The following PCMT1 variants were observed in gnomAD, a reference collection of about 807,000 sequenced individuals.
The protein encoded by PCMT1 is protein-L-isoaspartate(D-aspartate) O-methyltransferase.
PCMT1 carries 9 observed loss-of-function variants against 29.2 expected under a neutral mutation model. The ratio of observed to expected loss-of-function variants is 0.31; its 90% CI spans 0.19 to 0.54. The LOEUF is 0.54. Among genes scored for constraint, PCMT1 ranks in the 20% least tolerant of loss-of-function variants. The pLI is 0.95. For synonymous variants in PCMT1, 98 were observed against 97.5 expected (o/e 1.00, Z -0.03); for missense variants, 184 against 282.2 (o/e 0.65, Z 2.49).
intron 7 of PCMT1, among the ~76,000 whole-genome samples, chr6:149,809,209 T>A (rs1373141433): frequency 8.3e-6 from 1 of 120,868 alleles, no homozygotes; most frequent in Non-Finnish European, 1.6e-5. Context: ...CAGTGAGCCA[T>A]GATCACACCA....
intron 5 of PCMT1, 166 bp from the exon 6 acceptor site, chr6:149,796,244 CAAAAA>C (rs1788608217): frequency 4.6e-6 from 2 of 439,340 alleles, no homozygotes; most frequent in Non-Finnish European, 8.1e-6. Flanking sequence ...TCTGACCAAA[CAAAAA>C]ATAAAATAAA....
chr6:149,787,471 A>G (rs1189684509), intron 3 of PCMT1, among the ~76,000 whole-genome samples: 1 of 150,942 alleles, frequency 6.6e-6, no homozygotes, highest in Non-Finnish European at 1.5e-5. Context: ...GGTTCAAGCG[A>G]TTCTCCTGCT....
In PCMT1 at chr6:149,773,125, T is replaced by G. The variant is rs1405625544; in HGVS notation, c.161-13T>G. 6.2e-7 allele frequency: 1 copy of G among 1,606,368 alleles called. No individual in the cohort carries two copies. Among genetic ancestry groups the G allele is most frequent in the Non-Finnish European group, 8.5e-7 (1 of 1,173,722 alleles). On this transcript the variant is annotated splice_polypyrimidine_tract_variant and intron_variant, in intron 2 of 7. Coordinates refer to ENST00000464889, the MANE Select transcript of PCMT1 (RefSeq NM_001360452.2). ...CAGCTGACTGTATCAGTAGTTCTCTTCTTCTTTTGCAGGTTTCCAAGCAAC... is the reference window on the plus strand; with the variant it reads ...CAGCTGACTGTATCAGTAGTTCTCTGCTTCTTTTGCAGGTTTCCAAGCAAC...
intron 1 of PCMT1, among the ~76,000 whole-genome samples, chr6:149,752,492 C>G (rs1403104780): frequency 6.6e-6 from 1 of 152,132 alleles, no homozygotes; most frequent in Non-Finnish European, 1.5e-5. Flanking sequence ...AGCCACCACG[C>G]CCAGCCTAGA....
chr6:149,793,734 G>A (rs1788480678), intron 5 of PCMT1, 65 bp downstream of exon 5: 5 of 1,343,868 alleles, frequency 3.7e-6, no homozygotes, highest in Non-Finnish European at 5.0e-6. Context: ...TCCAATGCAA[G>A]CTAAATAATA....
intron 3 of PCMT1, among the ~76,000 whole-genome samples, chr6:149,773,600 G>T (rs1456882761): frequency 6.6e-6 from 1 of 152,084 alleles, no homozygotes; most frequent in African/African-American, 2.4e-5. Flanking sequence ...GGATGGTCTC[G>T]ATCTCCTGAC....
At chr6:149,779,274 A>G (rs1787713376) in intron 3 of PCMT1, among the ~76,000 whole-genome samples, 1 of 152,178 alleles carries the variant, frequency 6.6e-6, no homozygotes, top group Admixed American at 6.5e-5. Context: ...AATGTAAAAG[A>G]GTAATTAACT....
chr6:149,749,791 G>A lies in PCMT1; in HGVS notation c.-111G>A, dbSNP rs1786224690. On this transcript the variant is annotated 5_prime_UTR_variant, in exon 1 of 8. Transcript: ENST00000464889. ...CAGTAACAGCGGCAGCTACAGCGGG[G>A]ACGCGAGCGGGGCGGTGACGGTGTG... The A allele has an allele frequency of 6.4e-6, 10 of 1,551,428 alleles. No homozygotes were observed. Among genetic ancestry groups the A allele is most frequent in the African/African-American group, 1.4e-5 (1 of 73,110 alleles).
intron 3 of PCMT1, 50 bp from the exon 4 acceptor site, chr6:149,789,904 C>A: frequency 1.6e-6 from 2 of 1,237,650 alleles, no homozygotes; most frequent in Non-Finnish European, 2.3e-6. Flanking sequence ...ATTTATATAC[C>A]ATGATGTGTG....
chr6:149,795,236 G>T, intron 5 of PCMT1: 1 of 390,690 alleles, frequency 2.6e-6, no homozygotes. Flanking sequence ...ACACGACAGC[G>T]CCATGTTGCA....
At chr6:149,766,404 A>G (rs1173012377) in intron 1 of PCMT1, among the ~76,000 whole-genome samples, 2 of 152,206 alleles carry the variant, frequency 1.3e-5, no homozygotes, top group Admixed American at 6.5e-5. Flanking sequence ...CTTAAAAAAA[A>G]TCAGCTTTAT....
rs1277211655 is a variant in PCMT1 at position 149,761,182 on chromosome 6, C to A, written c.56-9980C>A. ...TAAAGTAGATAAAACATGAAATACA[C>A]ACACACACACACATAAAATTTTATC... On this transcript the variant is annotated intron_variant, in intron 1 of 7. Transcript: ENST00000464889. Among the ~76,000 whole-genome samples the A allele has an allele frequency of 6.0e-5, 9 of 151,028 alleles. No homozygotes were observed. In the South Asian group the frequency reaches 1.9e-3, roughly 32 times the overall value.
intron 6 of PCMT1, among the ~76,000 whole-genome samples, chr6:149,800,240 C>T (rs894662988): frequency 5.9e-5 from 9 of 151,902 alleles, no homozygotes; most frequent in Non-Finnish European, 8.8e-5. Context: ...CCGAGGAGAG[C>T]GGATCACTTG....
At chr6:149,787,271 A>AGAGAGGGAGACGGTGGG (rs1421307652) in intron 3 of PCMT1, among the ~76,000 whole-genome samples, 1 of 71,454 alleles carries the variant, frequency 1.4e-5, no homozygotes, top group Non-Finnish European at 3.4e-5. Flanking sequence ...GACCGTGGAA[A>AGAGAGGGAGACGGTGGG]GAGAGGGAGA....
At chr6:149,796,820 T>G (rs1418983414) in intron 6 of PCMT1, 6 of 187,498 alleles carry the variant, frequency 3.2e-5, no homozygotes, top group African/African-American at 4.7e-5. Context: ...TGTTTTTTGT[T>G]TTTTGTTTTT....
At chr6:149,803,068 A>C (rs955581356) in intron 7 of PCMT1, among the ~76,000 whole-genome samples, 2 of 150,582 alleles carry the variant, frequency 1.3e-5, no homozygotes, top group South Asian at 2.1e-4. Context: ...AAAAAAAAAA[A>C]AAAAAAAAAA....
At position 149,790,063 on chromosome 6, in the gene PCMT1, G is replaced by GA; in HGVS notation, c.297+6dup. On this transcript the variant is annotated splice_donor_region_variant and intron_variant, in intron 4 of 7. Coordinates refer to ENST00000464889, the MANE Select transcript of PCMT1 (RefSeq NM_001360452.2). ...ACTGCATGTTTTGCACGTATGGTAA[G>GA]AGTTTTATTTCTCACTCTGGCCCCA... 1 of 1,553,340 alleles carries GA rather than the reference G, an allele frequency of 6.4e-7. No individual in the cohort carries two copies. Among genetic ancestry groups the GA allele is most frequent in the Non-Finnish European group, 8.8e-7 (1 of 1,132,350 alleles).
rs569960610 is a variant in PCMT1, at chr6:149,763,093, A to C, written c.56-8069A>C. Among the ~76,000 whole-genome samples, 244 of 67,694 alleles carry C rather than the reference A, an allele frequency of 3.6e-3. 58 individuals carry two copies. The highest frequency in any genetic ancestry group is 4.4e-3 in the Admixed American group (19 of 4,328). 44.4% of individuals were successfully genotyped at this position (67,694 alleles called of 152,430 possible). ...TCTATGATATGTATATCTATGATAT[A>C]TATGATATATATATCTATGATATGT... On this transcript the variant is annotated intron_variant, in intron 1 of 7. Transcript: ENST00000464889.
intron 1 of PCMT1, among the ~76,000 whole-genome samples, chr6:149,767,202 T>G (rs1419835494): frequency 6.6e-6 from 1 of 151,104 alleles, no homozygotes; most frequent in East Asian, 1.9e-4. Context: ...GGAAGACTCC[T>G]TCTCAAAAAA....
Sources: allele counts gnomAD v4.1 joint callset (sites outside exome capture counted in the v4.1 genomes callset), GRCh38; gene constraint gnomAD v4.1.1; transcripts MANE v1.5; gene names NCBI Gene and HGNC (gene_info 2026-07-23, HGNC 2026-07-21).